Variants in TRPM3 observed in about 807,000 individuals in gnomAD.
The protein encoded by TRPM3 is transient receptor potential cation channel subfamily M member 3.
Under a neutral mutation model 181.2 loss-of-function variants are expected in TRPM3, and 77 were observed. The observed-to-expected ratio is 0.42, with a 90% CI of 0.35 to 0.51. The LOEUF is 0.51. Ranked by LOEUF, TRPM3 falls within the 20% of genes least tolerant of loss-of-function variation. The pLI is 0.01. For synonymous variants in TRPM3, 745 were observed against 796.4 expected, an observed-to-expected ratio of 0.94 and a Z score of 1.09; for missense variants, 1,759 against 2,196.7, an observed-to-expected ratio of 0.80 and a Z score of 3.98.
chr9:70,701,966 C>T (rs2134706350), intron 8 of TRPM3, among the ~76,000 whole-genome samples: 3 of 136,074 alleles, frequency 2.2e-5, no homozygotes, highest in Middle Eastern at 7.2e-3. Context: ...GGCTAGAATT[C>T]CCATGCTGTG....
chr9:70,791,233 A>G (rs1464761648), intron 6 of TRPM3, among the ~76,000 whole-genome samples: 1 of 152,210 alleles, frequency 6.6e-6, no homozygotes, highest in East Asian at 1.9e-4. Flanking sequence ...CCTGTACGCT[A>G]TACATTTTTT....
chr9:71,412,164 A>T (rs891034813), intron 1 of TRPM3, among the ~76,000 whole-genome samples: 2 of 152,168 alleles, frequency 1.3e-5, no homozygotes, highest in Non-Finnish European at 2.9e-5. Flanking sequence ...AACCTAGGCA[A>T]TACCATTCAG....
At chr9:71,394,455 C>T (rs145372471) in intron 1 of TRPM3, among the ~76,000 whole-genome samples, 3 of 152,228 alleles carry the variant, frequency 2.0e-5, no homozygotes, top group Non-Finnish European at 4.4e-5. Context: ...ATTATAATTA[C>T]ACATAATTTC....
intron 1 of TRPM3, among the ~76,000 whole-genome samples, chr9:71,183,155 A>G: frequency 6.6e-6 from 1 of 152,154 alleles, no homozygotes; most frequent in Admixed American, 6.6e-5. Context: ...TCCACCACTT[A>G]AGTAAGACTT....
intron 1 of TRPM3, among the ~76,000 whole-genome samples, chr9:71,322,405 T>C (rs1157279831): frequency 2.0e-5 from 3 of 152,196 alleles, no homozygotes; most frequent in Admixed American, 6.6e-5. Context: ...CAAGAAATTC[T>C]TTTAAATGAA....
At chr9:71,073,776 A>T (rs544468511) in intron 1 of TRPM3, among the ~76,000 whole-genome samples, 5 of 149,300 alleles carry the variant, frequency 3.3e-5, no homozygotes, top group African/African-American at 5.1e-5. Context: ...TTATTTAATT[A>T]AAAAAAACAG....
chr9:70,941,089 T>C (rs1307574876), intron 1 of TRPM3, among the ~76,000 whole-genome samples: 1 of 152,168 alleles, frequency 6.6e-6, no homozygotes, highest in Non-Finnish European at 1.5e-5. Context: ...GTCAACTCAA[T>C]TGGATTGAAG....
chr9:71,396,928 T>C (rs1241301027), intron 1 of TRPM3, among the ~76,000 whole-genome samples: 1 of 148,890 alleles, frequency 6.7e-6, no homozygotes, highest in Non-Finnish European at 1.5e-5. Context: ...ATCGCGCCAC[T>C]GCACTCCAGC....
chr9:71,371,764 A>C (rs905624931), intron 1 of TRPM3, among the ~76,000 whole-genome samples: 1 of 152,258 alleles, frequency 6.6e-6, no homozygotes, highest in Non-Finnish European at 1.5e-5. Flanking sequence ...ATCTAACAGC[A>C]TCACATGCCA....
intron 1 of TRPM3, among the ~76,000 whole-genome samples, chr9:71,345,671 T>C (rs1039113346): frequency 5.9e-5 from 9 of 152,126 alleles, no homozygotes; most frequent in African/African-American, 2.2e-4. Context: ...CAAGCCACCA[T>C]GGTACACATA....
chr9:71,199,434 T>A (rs1330382625), intron 1 of TRPM3, among the ~76,000 whole-genome samples: 1 of 152,184 alleles, frequency 6.6e-6, no homozygotes, highest in African/African-American at 2.4e-5. Context: ...ATTGGAATAG[T>A]TTCAGAAGGA....
rs1018365967 is a variant in TRPM3 at position 70,702,083 on chromosome 9, T to C, written c.1273-20505A>G. Among the ~76,000 whole-genome samples, 13 of 70,512 alleles carry C rather than the reference T, an allele frequency of 1.8e-4. 1 individual carries two copies. Among genetic ancestry groups the C allele is most frequent in the Admixed American group, 1.6e-3 (9 of 5,716 alleles). 46.3% of individuals were successfully genotyped at this position (70,512 alleles called of 152,430 possible). A position where few individuals can be genotyped will look rare whatever the true frequency, so the allele number is the denominator to read the frequency against. On this transcript the variant is annotated intron_variant, in intron 8 of 25. Transcript: ENST00000677713. Reference sequence around the variant, plus strand: ...AGGTAGTATTCCATATTAATTTCAATGGTCACTATTTTTGAGCAAGTAAAG... The same window carrying C: ...AGGTAGTATTCCATATTAATTTCAACGGTCACTATTTTTGAGCAAGTAAAG...
chr9:71,307,958 TTTTC>T (rs1243731160), intron 1 of TRPM3, among the ~76,000 whole-genome samples: 72 of 151,832 alleles, frequency 4.7e-4, no homozygotes, highest in Admixed American at 6.6e-4. Context: ...AGAAGTTATT[TTTTC>T]TTTCTTTCTT....
chr9:71,139,330 A>C (rs1257751481), intron 1 of TRPM3, among the ~76,000 whole-genome samples: 1 of 152,232 alleles, frequency 6.6e-6, no homozygotes. Context: ...TTGTGAAGCT[A>C]TGAGGTAAAA....
chr9:71,178,643 T>G (rs1417759675), intron 1 of TRPM3, among the ~76,000 whole-genome samples: 1 of 152,152 alleles, frequency 6.6e-6, no homozygotes, highest in Non-Finnish European at 1.5e-5. Context: ...GCACTAGTAG[T>G]TAGAAGATAT....
intron 1 of TRPM3, among the ~76,000 whole-genome samples, chr9:71,015,636 A>G (rs1304599132): frequency 6.6e-6 from 1 of 152,230 alleles, no homozygotes; most frequent in Non-Finnish European, 1.5e-5. Flanking sequence ...GGTTTCCCTT[A>G]TCATTTCACT....
chr9:71,278,449 C>T (rs1351377791), intron 1 of TRPM3, among the ~76,000 whole-genome samples: 1 of 152,002 alleles, frequency 6.6e-6, no homozygotes, highest in Non-Finnish European at 1.5e-5. Context: ...GCAAAAGATA[C>T]CAAATCAGAT....
At chr9:70,567,059 T>C (rs2050791743) in intron 22 of TRPM3, among the ~76,000 whole-genome samples, 1 of 152,160 alleles carries the variant, frequency 6.6e-6, no homozygotes, top group Non-Finnish European at 1.5e-5. Flanking sequence ...GCAGTTAAAC[T>C]CCTTAGTGGT....
At chr9:70,605,968 G>C (rs1002265873) in intron 19 of TRPM3, among the ~76,000 whole-genome samples, 1 of 152,136 alleles carries the variant, frequency 6.6e-6, no homozygotes, top group African/African-American at 2.4e-5. Context: ...CTATTTTAAT[G>C]CTTAAGTAAC....
Sources: allele counts gnomAD v4.1 joint callset (sites outside exome capture counted in the v4.1 genomes callset), GRCh38; gene constraint gnomAD v4.1.1; transcripts MANE v1.5; gene names NCBI Gene and HGNC (gene_info 2026-07-23, HGNC 2026-07-21).